The following SPATA13 variants were observed in gnomAD, a reference collection of about 807,000 sequenced individuals.
SPATA13 encodes the protein spermatogenesis associated 13.
In SPATA13, 50 loss-of-function variants were observed where a neutral mutation model predicts 104.0. That is an observed-to-expected ratio of 0.48 (90% CI 0.38 to 0.61). The LOEUF (loss-of-function observed/expected upper bound fraction) is 0.61, where lower values mean the gene tolerates loss of function less well. SPATA13 is among the 20% of genes least tolerant of loss of function. The pLI is 0.00. For missense variants in SPATA13, 1,524 were observed against 1,690.6 expected (o/e 0.90, Z 1.73); for synonymous variants, 606 against 667.5 (o/e 0.91, Z 1.42).
At chr13:24,096,968 G>A (rs1235319829) in intron 3 of SPATA13, among the ~76,000 whole-genome samples, 2 of 152,198 alleles carry the variant, frequency 1.3e-5, no homozygotes, top group East Asian at 3.8e-4. Context: ...GATCACTCAG[G>A]CCCCTTATGT....
rs1053521256 is a variant in SPATA13, at chr13:24,161,394, G to C, written c.-112+462G>C. Among the ~76,000 whole-genome samples the C allele has an allele frequency of 1.3e-5, 2 of 152,208 alleles. No homozygotes were observed. Among genetic ancestry groups the C allele is most frequent in the African/African-American group, 4.8e-5 (2 of 41,464 alleles). On this transcript the variant is annotated intron_variant, in intron 1 of 12. Transcript: ENST00000382108. This position sits in a 1 kb window ranked among gnomAD's most constrained non-coding sequence, Gnocchi z 4.5. Reference sequence around the variant, plus strand: ...GCTGGTGCCTCCGGGGACCCGGAGCGATGCGGTTGGAGAGCTTAGTTTAGA... The same window carrying C: ...GCTGGTGCCTCCGGGGACCCGGAGCCATGCGGTTGGAGAGCTTAGTTTAGA...
At chr13:24,300,608 G>T in intron 12 of SPATA13, 133 bp downstream of exon 12, 1 of 773,746 alleles carries the variant, frequency 1.3e-6, no homozygotes. Context: ...TCAAGGGCAG[G>T]TCCAGAACAG....
chr13:24,146,645 TAA>T (rs1034364417), intron 3 of SPATA13, among the ~76,000 whole-genome samples: 1 of 122,422 alleles, frequency 8.2e-6, no homozygotes, highest in Non-Finnish European at 1.8e-5. Context: ...CACAGCAATT[TAA>T]AAAAAATGCC....
At chr13:24,133,613 G>A (rs1352852666) in intron 3 of SPATA13, among the ~76,000 whole-genome samples, 1 of 152,172 alleles carries the variant, frequency 6.6e-6, no homozygotes, top group Admixed American at 6.5e-5. Context: ...GCGTAAAGGT[G>A]TGTGTGGGAT....
At chr13:24,039,041 A>G (rs1877820207) in intron 3 of SPATA13, among the ~76,000 whole-genome samples, 1 of 152,152 alleles carries the variant, frequency 6.6e-6, no homozygotes, top group African/African-American at 2.4e-5. Context: ...GAGACGATTA[A>G]AAAAGTTATT....
In SPATA13 at chr13:24,084,487, G is replaced by A. The variant is rs116544235; in HGVS notation, c.-112+66786G>A. 4.7e-3 allele frequency among the ~76,000 whole-genome samples: 715 copies of A among 152,280 alleles called. 9 individuals are homozygous for A. The highest frequency in any genetic ancestry group is 0.015 in the African/African-American group (631 of 41,550). ...ACCCTGACTCACTTCAGCCCTCTTA[G>A]CACCACCTGGGTTTCCTTTCAAAAT... On this transcript the variant is annotated intron_variant, in intron 3 of 14. Coordinates refer to the SPATA13 transcript ENST00000424834.
chr13:24,091,756 A>C (rs1021046853), intron 3 of SPATA13, among the ~76,000 whole-genome samples: 2 of 152,228 alleles, frequency 1.3e-5, no homozygotes, highest in African/African-American at 4.8e-5. Context: ...GGCTGCAGTG[A>C]GTGGAGATCA....
At chr13:24,046,443 AC>A (rs1422221904) in intron 3 of SPATA13, among the ~76,000 whole-genome samples, 1 of 151,514 alleles carries the variant, frequency 6.6e-6, no homozygotes, top group Non-Finnish European at 1.5e-5. Flanking sequence ...CACTGCCACA[AC>A]CAGCTAATGT....
At chr13:24,178,257 C>G (rs1193173141) in intron 1 of SPATA13, among the ~76,000 whole-genome samples, 1 of 152,206 alleles carries the variant, frequency 6.6e-6, no homozygotes, top group Non-Finnish European at 1.5e-5. Flanking sequence ...ACTCCAGAAG[C>G]CACTGCTTGC....
intron 4 of SPATA13, among the ~76,000 whole-genome samples, chr13:24,260,732 G>A (rs1347987101): frequency 6.6e-6 from 1 of 152,162 alleles, no homozygotes; most frequent in Non-Finnish European, 1.5e-5. Context: ...AGATTGTTTC[G>A]CCAGTGTCTC....
At chr13:24,302,126 G>T (rs1877228451) in intron 12 of SPATA13, among the ~76,000 whole-genome samples, 1 of 152,096 alleles carries the variant, frequency 6.6e-6, no homozygotes, top group African/African-American at 2.4e-5. Context: ...GCACGTCCTG[G>T]CATTCAGTTT....
intron 3 of SPATA13, among the ~76,000 whole-genome samples, chr13:24,061,693 G>GAAC (rs924336818): frequency 6.6e-6 from 1 of 152,026 alleles, no homozygotes; most frequent in African/African-American, 2.4e-5. Context: ...ACCAGGAGGG[G>GAAC]AACAACAACA....
chr13:24,034,951 A>G lies in SPATA13; in HGVS notation c.-112+17250A>G, dbSNP rs1333237791. ...GTCGGAAGATAAACTCCACCTCTCA[A>G]TGGAGAGAGTTCAAAGCAACTGTGG... On this transcript the variant is annotated intron_variant, in intron 3 of 14. Coordinates refer to the SPATA13 transcript ENST00000424834. 2.6e-5 allele frequency: 4 copies of G among 152,352 alleles called. No individual in the cohort carries two copies. In the East Asian group the frequency reaches 7.7e-4, roughly 29 times the overall value. 9.4% of individuals were successfully genotyped at this position (152,352 alleles called of 1,614,324 possible).
intron 2 of SPATA13, among the ~76,000 whole-genome samples, chr13:24,225,540 G>C (rs1049148163): frequency 3.3e-5 from 5 of 152,180 alleles, no homozygotes; most frequent in Admixed American, 2.6e-4. Flanking sequence ...CAGCAAGCAG[G>C]GGGGCTTGTT....
chr13:24,128,629 T>C (rs1029802029), intron 3 of SPATA13, among the ~76,000 whole-genome samples: 2 of 151,790 alleles, frequency 1.3e-5, no homozygotes, highest in Non-Finnish European at 2.9e-5. Flanking sequence ...CTAACACTCC[T>C]CGCTGATGTG....
At chr13:24,019,155 C>A (rs1876853616) in intron 3 of SPATA13, among the ~76,000 whole-genome samples, 1 of 146,802 alleles carries the variant, frequency 6.8e-6, no homozygotes, top group Non-Finnish European at 1.5e-5. Context: ...GTGGCGGGAT[C>A]TCGGCTCACT....
chr13:24,149,597 C>T (rs1882036514), intron 3 of SPATA13, among the ~76,000 whole-genome samples: 1 of 152,220 alleles, frequency 6.6e-6, no homozygotes, highest in Admixed American at 6.5e-5. Flanking sequence ...CCACCTAACA[C>T]TCCTAGATCT....
intron 3 of SPATA13, among the ~76,000 whole-genome samples, chr13:24,134,117 C>T (rs1881478213): frequency 6.6e-6 from 1 of 152,178 alleles, no homozygotes; most frequent in South Asian, 2.1e-4. Flanking sequence ...CCAGATAGAA[C>T]TCTGCCAGGT....
At chr13:24,270,782 T>G (rs1398684265) in intron 4 of SPATA13, 28 of 1,610,046 alleles carry the variant, frequency 1.7e-5, no homozygotes, top group Non-Finnish European at 2.4e-5. Flanking sequence ...TGTGCAGTCC[T>G]CTGTGATGCT....
Sources: allele counts gnomAD v4.1 joint callset (sites outside exome capture counted in the v4.1 genomes callset), GRCh38; gene constraint gnomAD v4.1.1; non-coding constraint Gnocchi (gnomAD v3.1); transcripts MANE v1.5; gene names NCBI Gene and HGNC (gene_info 2026-07-23, HGNC 2026-07-21).